Variants in PTAR1 observed in about 807,000 individuals in gnomAD.
PTAR1 encodes protein prenyltransferase alpha subunit repeat containing 1, also known as protein prenyltransferase alpha subunit repeat-containing protein 1.
A neutral mutation model predicts 45.5 loss-of-function variants in PTAR1; 17 were observed. That is an observed-to-expected ratio of 0.37 (90% CI 0.26 to 0.56). The LOEUF is 0.56. Among genes scored for constraint, PTAR1 ranks in the 20% least tolerant of loss-of-function variants. The pLI, the probability that PTAR1 is intolerant of heterozygous loss-of-function variation, is 0.77. For missense variants in PTAR1, 391 were observed against 476.3 expected (o/e 0.82, Z 1.67); for synonymous variants, 169 against 171.3 (o/e 0.99, Z 0.11).
chr9:69,723,379 G>C lies in PTAR1; in HGVS notation c.894C>G (p.Phe298Leu). Reference protein sequence around the residue: ...LPHLLEEEVEFSTDLIDSYPG... With the variant: ...LPHLLEEEVELSTDLIDSYPG... Reference sequence around the variant, plus strand: ...GGTAGGAATCAATAAGATCAGTGCTGAATTCAACTTCTTCTTCTAGAAGAT... The same window carrying C: ...GGTAGGAATCAATAAGATCAGTGCTCAATTCAACTTCTTCTTCTAGAAGAT... The change falls in exon 6 of 8, where the codon TTC becomes TTG. Residue 298 changes from phenylalanine (F) to leucine (L), a missense_variant. This residue lies in a region of PTAR1 where 181 missense variants were observed against 227.7 expected (regional missense o/e 0.80). Coordinates refer to ENST00000340434, the MANE Select transcript of PTAR1 (RefSeq NM_001099666.2). 6.2e-7 allele frequency: 1 copy of C among 1,613,878 alleles called. No homozygotes were observed. The highest frequency in any genetic ancestry group is 8.5e-7 in the Non-Finnish European group (1 of 1,179,808).
At chr9:69,726,893 G>A (rs1006145319) in intron 5 of PTAR1, among the ~76,000 whole-genome samples, 5 of 149,676 alleles carry the variant, frequency 3.3e-5, no homozygotes, top group Non-Finnish European at 7.4e-5. Context: ...TATTATTTTC[G>A]ATATATTACT....
intron 1 of PTAR1, among the ~76,000 whole-genome samples, chr9:69,754,532 CTTT>C (rs60025062): frequency 2.2e-4 from 17 of 76,266 alleles, no homozygotes; most frequent in African/African-American, 7.5e-4. Context: ...GGGTATATAT[CTTT>C]TTTTTTTTTT....
chr9:69,737,692 T>A (rs1355074592), intron 3 of PTAR1, among the ~76,000 whole-genome samples: 2 of 152,320 alleles, frequency 1.3e-5, no homozygotes, highest in Admixed American at 1.3e-4. Context: ...TACCATGTAT[T>A]GAACACTTCC....
chr9:69,710,035 G>C lies in PTAR1; in HGVS notation c.*8307C>G. On this transcript the variant is annotated 3_prime_UTR_variant, in exon 8 of 8. Coordinates refer to ENST00000340434, the MANE Select transcript of PTAR1 (RefSeq NM_001099666.2). ...AAATGAAGATGAAGGAAAACAAGTGGATAATTCTATTAGATGCTTTTCTAA... is the reference window on the plus strand; with the variant it reads ...AAATGAAGATGAAGGAAAACAAGTGCATAATTCTATTAGATGCTTTTCTAA... 6.6e-6 allele frequency: 1 copy of C among 152,018 alleles called. No homozygotes were observed. Among genetic ancestry groups the C allele is most frequent in the East Asian group, 1.9e-4 (1 of 5,190 alleles). The allele number at this position is 152,018 out of a possible 1,614,324, so 9.4% of individuals were successfully genotyped here.
intron 2 of PTAR1, among the ~76,000 whole-genome samples, chr9:69,750,180 A>G (rs1271365362): frequency 6.6e-6 from 1 of 150,572 alleles, no homozygotes; most frequent in Non-Finnish European, 1.5e-5. Flanking sequence ...TGATGCAGTA[A>G]AAAAAAAAAC....
At chr9:69,723,201 C>T in intron 6 of PTAR1, 125 bp downstream of exon 6, 2 of 765,574 alleles carry the variant, frequency 2.6e-6, no homozygotes, top group Non-Finnish European at 4.4e-6. Context: ...TTCACTCAGG[C>T]AAAGCTCCAC....
chr9:69,732,198 A>G lies in PTAR1; in HGVS notation c.583T>C (p.Tyr195His). The G allele has an allele frequency of 6.2e-7, 1 of 1,613,774 alleles. No individual in the cohort carries two copies. Among genetic ancestry groups the G allele is most frequent in the South Asian group, 1.1e-5 (1 of 91,076 alleles). ...CAGATGCGATGGGACCAAGCATTAT[A>G]GTTGCTTGGGTATCTCCCTGCTGCT... The part of the protein sequence containing the change: ...GEAAGRYPSN[Y>H]NAWSHRIWVL... The change falls in exon 5 of 8, where the codon TAT becomes CAT. Residue 195 changes from tyrosine to histidine, a missense_variant. Around this residue, in one of 5 missense-constraint regions of PTAR1, gnomAD observed 46 missense variants for 39.6 expected, o/e 1.16. Coordinates refer to ENST00000340434, the MANE Select transcript of PTAR1 (RefSeq NM_001099666.2).
At chr9:69,755,720 C>A (rs185035532) in intron 1 of PTAR1, among the ~76,000 whole-genome samples, 1 of 152,056 alleles carries the variant, frequency 6.6e-6, no homozygotes, top group Non-Finnish European at 1.5e-5. Flanking sequence ...AGGAACTGAC[C>A]GTTGCATATT....
chr9:69,713,853 GTCTCTCACT>G lies in PTAR1; in HGVS notation c.*4480_*4488del, dbSNP rs1824619224. On this transcript the variant is annotated 3_prime_UTR_variant, in exon 8 of 8. Coordinates refer to ENST00000340434, the MANE Select transcript of PTAR1 (RefSeq NM_001099666.2). ...CAAAGCATCCTGCCTGCTTATATCA[GTCTCTCACT>G]GAAGGATAAAATACCCTACGGGGCC... 6.6e-6 allele frequency: 1 copy of G among 152,050 alleles called. No individual in the cohort carries two copies. The highest frequency in any genetic ancestry group is 1.5e-5 in the Non-Finnish European group (1 of 67,992). The allele number at this position is 152,050 out of a possible 1,614,324, so 9.4% of individuals were successfully genotyped here. A position where few individuals can be genotyped will look rare whatever the true frequency, so the allele number is the denominator to read the frequency against.
At chr9:69,727,034 C>T (rs901180872) in intron 5 of PTAR1, among the ~76,000 whole-genome samples, 3 of 150,364 alleles carry the variant, frequency 2.0e-5, no homozygotes, top group Non-Finnish European at 3.0e-5. Context: ...TATACACACA[C>T]ACACACACAC....
chr9:69,751,633 T>G (rs1307522191), intron 1 of PTAR1, among the ~76,000 whole-genome samples: 1 of 152,086 alleles, frequency 6.6e-6, no homozygotes, highest in African/African-American at 2.4e-5. Flanking sequence ...ATTTCTATTT[T>G]TTTAATGTCA....
intron 5 of PTAR1, among the ~76,000 whole-genome samples, chr9:69,726,621 T>C (rs1444237934): frequency 6.6e-6 from 1 of 151,978 alleles, no homozygotes; most frequent in Non-Finnish European, 1.5e-5. Context: ...AAATTCATCA[T>C]CAATACTTTA....
At chr9:69,746,729 T>C (rs954942601) in intron 2 of PTAR1, among the ~76,000 whole-genome samples, 6 of 152,124 alleles carry the variant, frequency 3.9e-5, no homozygotes, top group Admixed American at 1.3e-4. Context: ...ACATTATACA[T>C]AGAAAAGTAG....
At chr9:69,723,221 A>C (rs1825111608) in intron 6 of PTAR1, 105 bp downstream of exon 6, 1 of 906,188 alleles carries the variant, frequency 1.1e-6, no homozygotes, top group African/African-American at 1.7e-5. Flanking sequence ...CAATCAGATG[A>C]CCATGTTTAC....
chr9:69,718,003 G>A lies in PTAR1; in HGVS notation c.*339C>T, dbSNP rs538856189. 15 of 189,502 alleles carry A rather than the reference G, an allele frequency of 7.9e-5. No individual in the cohort carries two copies. In the South Asian group the frequency reaches 1.9e-3, roughly 24 times the overall value. The allele number at this position is 189,502 out of a possible 1,614,324, so 11.7% of individuals were successfully genotyped here. A position where few individuals can be genotyped will look rare whatever the true frequency, so the allele number is the denominator to read the frequency against. On this transcript the variant is annotated 3_prime_UTR_variant, in exon 8 of 8. Transcript: ENST00000340434. Reference sequence around the variant, plus strand: ...TTAATTTTTAAAAGAATTTGCCTATGCAGCAATTGGACTGAGGGGGGTAGA... The same window carrying A: ...TTAATTTTTAAAAGAATTTGCCTATACAGCAATTGGACTGAGGGGGGTAGA...
intron 2 of PTAR1, among the ~76,000 whole-genome samples, chr9:69,748,401 C>CT (rs1461803955): frequency 9.2e-5 from 2 of 21,732 alleles, no homozygotes; most frequent in East Asian, 9.4e-4. Flanking sequence ...CTATCACAGA[C>CT]TTAAAAAAAA....
At chr9:69,731,035 T>C (rs1490260284) in intron 5 of PTAR1, among the ~76,000 whole-genome samples, 2 of 152,050 alleles carry the variant, frequency 1.3e-5, no homozygotes, top group Non-Finnish European at 2.9e-5. Context: ...TGAACCTAGG[T>C]TGATGTGATT....
At chr9:69,752,683 G>A (rs73444541) in intron 1 of PTAR1, among the ~76,000 whole-genome samples, 6 of 152,068 alleles carry the variant, frequency 3.9e-5, no homozygotes, top group African/African-American at 1.4e-4. Context: ...TCTTGCTGGG[G>A]ATCTGTGTCA....
rs781427260 is a variant in PTAR1, at chr9:69,711,551, G to A, written c.*6791C>T. 3 of 152,046 alleles carry A rather than the reference G, an allele frequency of 2.0e-5. No homozygotes were observed. The highest frequency in any genetic ancestry group is 4.4e-5 in the Non-Finnish European group (3 of 68,006). The allele number at this position is 152,046 out of a possible 1,614,324, so 9.4% of individuals were successfully genotyped here. A position where few individuals can be genotyped will look rare whatever the true frequency, so the allele number is the denominator to read the frequency against. On this transcript the variant is annotated 3_prime_UTR_variant, in exon 8 of 8. Transcript: ENST00000340434. ...TACCATTACCACTCTTAAGACGCTA[G>A]AAACAAGTAAGATTTAAGGAAAAAT...
Sources: gnomAD v4.1 joint callset for allele counts (sites outside exome capture counted in the v4.1 genomes callset) on GRCh38, gnomAD v4.1.1 for gene constraint, gnomAD v4.1.1 regional missense constraint, MANE v1.5 for transcripts, NCBI Gene and HGNC (gene_info 2026-07-23, HGNC 2026-07-21) for gene names.